GFRA2: variants seen among roughly 807,000 people sequenced by gnomAD.
GFRA2 encodes GDNF family receptor alpha 2.
Under a neutral mutation model 48.3 loss-of-function variants are expected in GFRA2, and 17 were observed. The ratio of observed to expected loss-of-function variants is 0.35; its 90% CI spans 0.24 to 0.53. GFRA2 has a LOEUF of 0.53. Ranked by LOEUF, GFRA2 falls within the 20% of genes least tolerant of loss-of-function variation. GFRA2 has a pLI of 0.93. For synonymous variants in GFRA2, 305 were observed against 257.2 expected, an observed-to-expected ratio of 1.19 and a Z score of -1.78; for missense variants, 660 against 637.3, an observed-to-expected ratio of 1.04 and a Z score of -0.38.
In GFRA2 at chr8:21,747,010, G is replaced by T. The variant is rs531708685; in HGVS notation, c.794+3578C>A. ...CTGTCCCAGCCACTCCTCTACCTGA[G>T]ATGCCTAGTTCAGACACCTGAGCAG... On this transcript the variant is annotated intron_variant, in intron 4 of 8. Coordinates refer to ENST00000524240, the MANE Select transcript of GFRA2 (RefSeq NM_001495.5). Among the ~76,000 whole-genome samples, 22 of 152,222 alleles carry T rather than the reference G, an allele frequency of 1.4e-4. No individual in the cohort carries two copies. In the South Asian group the frequency reaches 2.9e-3, roughly 20 times the overall value.
At chr8:21,695,935 C>T (rs972521415) in intron 7 of GFRA2, among the ~76,000 whole-genome samples, 1 of 152,096 alleles carries the variant, frequency 6.6e-6, no homozygotes, top group Non-Finnish European at 1.5e-5. Flanking sequence ...TCACTTCCTA[C>T]TCTCATTGTT....
At chr8:21,726,972 G>A (rs934392972) in intron 4 of GFRA2, among the ~76,000 whole-genome samples, 3 of 151,990 alleles carry the variant, frequency 2.0e-5, no homozygotes, top group Admixed American at 6.6e-5. Context: ...GGATGGTCTC[G>A]ATCTCCTGAC....
rs139834339 is a variant in GFRA2 at position 21,744,397 on chromosome 8, G to T, written c.794+6191C>A. Among the ~76,000 whole-genome samples, 838 of 152,290 alleles carry T rather than the reference G, an allele frequency of 5.5e-3. 4 individuals are homozygous for T. The highest frequency in any genetic ancestry group is 0.019 in the African/African-American group (806 of 41,558). The stretch of plus-strand genomic sequence containing the variant: ...ACCCAGAGGTTAAATTACAGCCCAG[G>T]AGATGGCACGGAGCCAGCAAGGAGT... On this transcript the variant is annotated intron_variant, in intron 4 of 8. Coordinates refer to ENST00000524240, the MANE Select transcript of GFRA2 (RefSeq NM_001495.5).
chr8:21,766,000 C>T (rs892583574), intron 3 of GFRA2, among the ~76,000 whole-genome samples: 1 of 152,164 alleles, frequency 6.6e-6, no homozygotes, highest in African/African-American at 2.4e-5. Context: ...GCCCCATGAT[C>T]CATCCTCCAC....
chr8:21,747,196 C>G (rs1287104623), intron 4 of GFRA2, among the ~76,000 whole-genome samples: 1 of 152,178 alleles, frequency 6.6e-6, no homozygotes, highest in African/African-American at 2.4e-5. Context: ...GATGCAGCCC[C>G]CAAGGTCATT....
intron 1 of GFRA2, among the ~76,000 whole-genome samples, chr8:21,787,429 G>A (rs1274812849): frequency 6.6e-6 from 1 of 152,172 alleles, no homozygotes; most frequent in Non-Finnish European, 1.5e-5. Context: ...GTGGAGGAGG[G>A]AAGGCCGGGA....
intron 4 of GFRA2, among the ~76,000 whole-genome samples, chr8:21,706,697 C>T (rs569881868): frequency 4.6e-5 from 7 of 152,154 alleles, no homozygotes; most frequent in Non-Finnish European, 8.8e-5. Context: ...CCCCTGGTGA[C>T]GGTAACACGC....
intron 4 of GFRA2, among the ~76,000 whole-genome samples, chr8:21,712,672 T>C (rs1418773642): frequency 1.3e-5 from 2 of 151,570 alleles, no homozygotes; most frequent in African/African-American, 4.9e-5. Context: ...GAGGTGGAGG[T>C]TGTAGTGAGC....
In GFRA2 at chr8:21,788,847, G is replaced by T; in HGVS notation, c.-688C>A. On this transcript the variant is annotated 5_prime_UTR_variant, in exon 1 of 9. Coordinates refer to ENST00000524240, the MANE Select transcript of GFRA2 (RefSeq NM_001495.5). The stretch of plus-strand genomic sequence containing the variant: ...TCTCTCTCTCTCCTCTCCCTCGCTC[G>T]CTCTTTGCTCTCGCTCTCTCCAGCT... The T allele has an allele frequency of 1.0e-6, 1 of 956,378 alleles. No homozygotes were observed. Among genetic ancestry groups the T allele is most frequent in the Non-Finnish European group, 1.2e-6 (1 of 803,994 alleles). The allele number at this position is 956,378 out of a possible 1,614,324, so 59.2% of individuals were successfully genotyped here. A position where few individuals can be genotyped will look rare whatever the true frequency, so the allele number is the denominator to read the frequency against.
At chr8:21,781,933 C>G (rs1273417728) in intron 2 of GFRA2, among the ~76,000 whole-genome samples, 1 of 152,276 alleles carries the variant, frequency 6.6e-6, no homozygotes, top group African/African-American at 2.4e-5. Context: ...GTGGGGCCTG[C>G]TGCCTGCACA....
intron 4 of GFRA2, among the ~76,000 whole-genome samples, chr8:21,736,004 T>C (rs941522407): frequency 5.3e-5 from 8 of 152,242 alleles, no homozygotes; most frequent in Admixed American, 1.3e-4. Flanking sequence ...ACTCCCCACC[T>C]GCTGTGAAGA....
At chr8:21,808,737 C>T (rs1185723312) in intron 1 of GFRA2, among the ~76,000 whole-genome samples, 1 of 152,240 alleles carries the variant, frequency 6.6e-6, no homozygotes, top group Non-Finnish European at 1.5e-5. Context: ...AGCCCTTGGG[C>T]CCTAGGGCCA....
chr8:21,691,480 C>T lies in GFRA2; in HGVS notation c.*1798G>A, dbSNP rs1337308506. ...CCAAAAAATACTTATGCTTTCAGAC[C>T]ATGACCCCAGAACATGCACAGTCAT... On this transcript the variant is annotated 3_prime_UTR_variant, in exon 9 of 9. Transcript: ENST00000524240. 6.6e-6 allele frequency: 1 copy of T among 152,204 alleles called. No individual in the cohort carries two copies. The highest frequency in any genetic ancestry group is 1.5e-5 in the Non-Finnish European group (1 of 68,072). 9.4% of individuals were successfully genotyped at this position (152,204 alleles called of 1,614,324 possible).
chr8:21,801,531 T>TCACCCCACC (rs1203542094), intron 2 of GFRA2, among the ~76,000 whole-genome samples: 2 of 150,176 alleles, frequency 1.3e-5, no homozygotes, highest in African/African-American at 4.9e-5. Flanking sequence ...AGCAGGTTCC[T>TCACCCCACC]CACCCCACCC....
At chr8:21,731,479 A>G (rs1353015875) in intron 4 of GFRA2, among the ~76,000 whole-genome samples, 2 of 150,206 alleles carry the variant, frequency 1.3e-5, no homozygotes, top group African/African-American at 2.4e-5. Context: ...ATCTTAAAAT[A>G]TTTTTTTTTT....
Position 21,788,246 on chromosome 8 carries a change from C to G in GFRA2, c.-87G>C. 1 of 1,534,858 alleles carries G rather than the reference C, an allele frequency of 6.5e-7. No homozygotes were observed. The highest frequency in any genetic ancestry group is 2.6e-5 in the East Asian group (1 of 38,810). On this transcript the variant is annotated 5_prime_UTR_variant, in exon 1 of 9. Transcript: ENST00000524240. ...AACAACAACAATAATAATAGGCAAG[C>G]AGTGGTAATCAGCCCCAAATCCAAT...
At chr8:21,733,825 G>T (rs1318663176) in intron 4 of GFRA2, among the ~76,000 whole-genome samples, 2 of 152,126 alleles carry the variant, frequency 1.3e-5, no homozygotes, top group Non-Finnish European at 2.9e-5. Flanking sequence ...CAATGAAAGC[G>T]CCGAGATGAT....
At chr8:21,755,534 C>G (rs1168343932) in intron 3 of GFRA2, among the ~76,000 whole-genome samples, 1 of 152,134 alleles carries the variant, frequency 6.6e-6, no homozygotes, top group African/African-American at 2.4e-5. Context: ...GGCTGCAACC[C>G]TGCCAGAGAC....
intron 4 of GFRA2, among the ~76,000 whole-genome samples, chr8:21,709,312 A>AGCCT (rs1802900525): frequency 6.6e-6 from 1 of 152,222 alleles, no homozygotes; most frequent in South Asian, 2.1e-4. Context: ...ACACACACAT[A>AGCCT]GCCTGGACCA....
Sources: allele counts gnomAD v4.1 joint callset (sites outside exome capture counted in the v4.1 genomes callset), GRCh38; gene constraint gnomAD v4.1.1; transcripts MANE v1.5; gene names NCBI Gene and HGNC (gene_info 2026-07-23, HGNC 2026-07-21).